MYH15: variants seen among roughly 807,000 people sequenced by gnomAD.
The protein encoded by MYH15 is myosin-15.
MYH15 carries 227 observed loss-of-function variants against 240.5 expected under a neutral mutation model. The observed-to-expected ratio is 0.94, with a 90% CI of 0.85 to 1.05. The LOEUF (loss-of-function observed/expected upper bound fraction) is 1.05. Ranked by LOEUF, MYH15 falls within the 50% of genes least tolerant of loss-of-function variation. The pLI, the probability that MYH15 is intolerant of heterozygous loss-of-function variation, is 0.00. For missense variants in MYH15, 2,217 were observed against 2,247.5 expected, an observed-to-expected ratio of 0.99 and a Z score of 0.27; for synonymous variants, 785 against 796.7, an observed-to-expected ratio of 0.99 and a Z score of 0.25.
intron 15 of MYH15, 131 bp from the exon 16 acceptor site, chr3:108,463,374 G>T: frequency 3.1e-6 from 3 of 982,244 alleles, no homozygotes; most frequent in Non-Finnish European, 4.4e-6. Context: ...GAATGCAGTG[G>T]CATAGTCACA....
intron 9 of MYH15, among the ~76,000 whole-genome samples, chr3:108,489,516 G>C (rs2107597966): frequency 6.6e-6 from 1 of 152,284 alleles, no homozygotes; most frequent in Non-Finnish European, 1.5e-5. Context: ...GCTATGCCTG[G>C]AACAAGGGTC....
At chr3:108,452,920 C>G (rs1359581768) in intron 21 of MYH15, among the ~76,000 whole-genome samples, 9 of 151,976 alleles carry the variant, frequency 5.9e-5, no homozygotes. Context: ...AGTTCGAGAC[C>G]AGCCTGGGCA....
Position 108,499,480 on chromosome 3 carries a change from G to T in MYH15, c.499C>A (p.Arg167=). 2 of 1,612,890 alleles carry T rather than the reference G, an allele frequency of 1.2e-6. No individual in the cohort carries two copies. The highest frequency in any genetic ancestry group is 2.2e-5 in the South Asian group (2 of 90,768). ...NNAFQDMLHN[R]ENQSILFTGE... is the part of the protein sequence containing the mutation. ...GTGAAGAGTATAGACTGATTTTCTCGATCTACAAAAGAAAGAAAAATGCCA... is the reference window on the plus strand; with the variant it reads ...GTGAAGAGTATAGACTGATTTTCTCTATCTACAAAAGAAAGAAAAATGCCA... The change falls in exon 5 of 41, where the codon CGA becomes AGA. Residue 167 remains arginine, a splice_region_variant and synonymous_variant. Transcript: ENST00000693548.
chr3:108,399,052 C>T (rs748590568), intron 34 of MYH15, 23 bp downstream of exon 34: 14 of 1,604,306 alleles, frequency 8.7e-6, no homozygotes, highest in Admixed American at 1.7e-5. Context: ...CCCTCCCTAC[C>T]CCATCTTACA....
rs531068440 is a variant in MYH15, at chr3:108,496,675, C to T, written c.619-803G>A. On this transcript the variant is annotated intron_variant, in intron 6 of 40. Transcript: ENST00000693548. ...CTTTTCAGTAATATGGGTTTACTGTCCTTCAAATAAGTTAGAGAACATTAT... is the reference window on the plus strand; with the variant it reads ...CTTTTCAGTAATATGGGTTTACTGTTCTTCAAATAAGTTAGAGAACATTAT... Among the ~76,000 whole-genome samples the T allele has an allele frequency of 1.6e-3, 238 of 151,692 alleles. 3 individuals carry two copies. The highest frequency in any genetic ancestry group is 2.6e-3 in the Non-Finnish European group (180 of 67,930).
intron 1 of MYH15, among the ~76,000 whole-genome samples, chr3:108,528,661 C>T (rs2083691461): frequency 6.6e-6 from 1 of 152,114 alleles, no homozygotes; most frequent in Non-Finnish European, 1.5e-5. Flanking sequence ...GTGCTGGGTA[C>T]TATTATTGTC....
chr3:108,408,446 C>T (rs1576214531), intron 31 of MYH15, 42 bp from the exon 32 acceptor site: 1 of 1,568,528 alleles, frequency 6.4e-7, no homozygotes, highest in Non-Finnish European at 8.6e-7. Context: ...TGAATGGGCT[C>T]AGTCTCAAAC....
intron 22 of MYH15, among the ~76,000 whole-genome samples, chr3:108,441,578 T>G (rs935951685): frequency 2.0e-5 from 3 of 152,112 alleles, no homozygotes; most frequent in African/African-American, 4.8e-5. Flanking sequence ...GGTGTGCTGC[T>G]TAAACCACAG....
chr3:108,540,678 T>C, the MYH15 span, among the ~76,000 whole-genome samples: 1 of 152,268 alleles, frequency 6.6e-6, no homozygotes, highest in Middle Eastern at 3.4e-3. Context: ...AACACGTATA[T>C]CTTAATCCAA....
chr3:108,476,366 G>T, intron 12 of MYH15, 31 bp downstream of exon 12: 1 of 1,268,230 alleles, frequency 7.9e-7, no homozygotes, highest in Non-Finnish European at 1.2e-6. Context: ...GAAGATCATA[G>T]AATAATAATG....
At chr3:108,544,931 T>C in the MYH15 span, among the ~76,000 whole-genome samples, 2 of 152,170 alleles carry the variant, frequency 1.3e-5, no homozygotes, top group Non-Finnish European at 2.9e-5. Flanking sequence ...GGGAACATAA[T>C]GGGATCCAAG....
intron 32 of MYH15, among the ~76,000 whole-genome samples, chr3:108,407,327 T>C (rs1028204757): frequency 1.3e-5 from 2 of 152,176 alleles, no homozygotes; most frequent in African/African-American, 4.8e-5. Context: ...TGCCACACCT[T>C]TCAAAAATCT....
chr3:108,405,540 G>A, intron 32 of MYH15, 87 bp from the exon 33 acceptor site: 2 of 777,318 alleles, frequency 2.6e-6, no homozygotes, highest in Non-Finnish European at 3.9e-6. Context: ...CGCTAATGTA[G>A]CTCTCTTAGA....
intron 32 of MYH15, among the ~76,000 whole-genome samples, chr3:108,407,128 G>A (rs766622516): frequency 5.3e-5 from 8 of 152,202 alleles, no homozygotes; most frequent in Non-Finnish European, 1.0e-4. Flanking sequence ...AAACATTTAT[G>A]TATAACAGGG....
chr3:108,544,443 C>G, the MYH15 span, among the ~76,000 whole-genome samples: 1 of 152,138 alleles, frequency 6.6e-6, no homozygotes, highest in African/African-American at 2.4e-5. Context: ...TTGGGTGGAT[C>G]ATATCCACCC....
Position 108,428,878 on chromosome 3 carries a change from G to A in MYH15, c.3316C>T (p.Gln1106Ter). 6.3e-7 allele frequency: 1 copy of A among 1,598,684 alleles called. No homozygotes were observed. ...LQKTVKELQT[Q>*]IKDLKEKLEA... is the part of the protein sequence containing the mutation. Reference sequence around the variant, plus strand: ...AGTTTCTCTTTCAAATCCTTTATTTGAGTCTGTAGCAAGAAATAATTTTGA... The same window carrying A: ...AGTTTCTCTTTCAAATCCTTTATTTAAGTCTGTAGCAAGAAATAATTTTGA... The change falls in exon 27 of 41, where the codon CAA becomes TAA. Residue 1106 changes from glutamine (Q) to a stop codon, truncating the protein, a stop_gained. Coordinates refer to ENST00000693548, the MANE Select transcript of MYH15 (RefSeq NM_014981.3). LOFTEE classifies it high-confidence loss of function.
At chr3:108,531,795 A>C (rs183003511), upstream of MYH15, among the ~76,000 whole-genome samples, 31 of 151,372 alleles carry the variant, frequency 2.0e-4, no homozygotes, top group Admixed American at 1.2e-3. Context: ...TAAATAAATA[A>C]ATAAATAAAT....
At chr3:108,470,928 T>G in intron 12 of MYH15, 81 bp from the exon 13 acceptor site, 1 of 1,429,040 alleles carries the variant, frequency 7.0e-7, no homozygotes, top group Non-Finnish European at 9.6e-7. Context: ...AGCAACTGCC[T>G]TCTAGTCAAA....
At chr3:108,474,792 A>G (rs1446192677) in intron 12 of MYH15, among the ~76,000 whole-genome samples, 5 of 152,200 alleles carry the variant, frequency 3.3e-5, no homozygotes, top group Non-Finnish European at 7.3e-5. Flanking sequence ...CTGCCAAGAA[A>G]TAGCTCAGTT....
Sources: allele counts gnomAD v4.1 joint callset (sites outside exome capture counted in the v4.1 genomes callset), GRCh38; gene constraint gnomAD v4.1.1; transcripts MANE v1.5; gene names NCBI Gene and HGNC (gene_info 2026-07-23, HGNC 2026-07-21).